Variants in TFF1 observed in about 807,000 individuals in gnomAD.
TFF1 encodes the protein trefoil factor 1.
Under a neutral mutation model 7.7 loss-of-function variants are expected in TFF1, and 8 were observed. That is an observed-to-expected ratio of 1.04 (90% CI 0.61 to 1.87). The LOEUF is 1.87. Among genes scored for constraint, TFF1 ranks in the 40% most tolerant of loss-of-function variants. The pLI is 0.00. For missense variants in TFF1, 120 were observed against 113.4 expected (o/e 1.06, Z -0.26); for synonymous variants, 47 against 44.8 (o/e 1.05, Z -0.19).
At chr21:42,364,509 A>G (rs1307607017) in intron 1 of TFF1, among the ~76,000 whole-genome samples, 2 of 152,186 alleles carry the variant, frequency 1.3e-5, no homozygotes, top group Non-Finnish European at 2.9e-5. Flanking sequence ...GGGCTGCCGC[A>G]GGATCTTATG....
chr21:42,365,982 G>A (rs1035678758), intron 1 of TFF1, among the ~76,000 whole-genome samples: 1 of 152,184 alleles, frequency 6.6e-6, no homozygotes, highest in Non-Finnish European at 1.5e-5. Context: ...CTGTGGGAGA[G>A]GGTCTCCCAG....
At chr21:42,365,731 T>C (rs1395822935) in intron 1 of TFF1, among the ~76,000 whole-genome samples, 2 of 152,176 alleles carry the variant, frequency 1.3e-5, no homozygotes, top group Non-Finnish European at 2.9e-5. Flanking sequence ...CGTTGATCCA[T>C]TCTGCAGGTA....
chr21:42,366,330 T>A, intron 1 of TFF1, 81 bp downstream of exon 1: 1 of 1,092,586 alleles, frequency 9.2e-7, no homozygotes, highest in South Asian at 1.5e-5. Context: ...TGCTCAAAAA[T>A]ATGTATGTAA....
Position 42,366,471 on chromosome 21 carries a change from T to A in TFF1, c.25A>T (p.Ile9Phe), listed in dbSNP as rs1466163139. The A allele has an allele frequency of 1.2e-6, 2 of 1,612,564 alleles. No homozygotes were observed. Among genetic ancestry groups the A allele is most frequent in the South Asian group, 2.2e-5 (2 of 90,982 alleles). The change falls in exon 1 of 3, where the codon ATC (isoleucine) becomes TTC (phenylalanine). Residue 9 changes from isoleucine (I) to phenylalanine (F), a missense_variant. Transcript: ENST00000291527. ...ATGGACACCAGGACCAGGGCGCAGA[T>A]CACCTTGTTCTCCATGGTGGCCATT... MATMENKVICALVLVSMLA... is the reference protein window; with the variant it reads MATMENKVFCALVLVSMLA...
At position 42,366,435 on chromosome 21, in the gene TFF1, C is replaced by T. The variant is rs1269954074; in HGVS notation, c.61G>A (p.Gly21Ser). 4 of 1,611,906 alleles carry T rather than the reference C, an allele frequency of 2.5e-6. No homozygotes were observed. Among genetic ancestry groups the T allele is most frequent in the African/African-American group, 1.3e-5 (1 of 74,980 alleles). ...CCTGTCTGGGCCTCGGCCAGGGTGCCGAGGGCCAGCATGGACACCAGGACC... is the reference window on the plus strand; with the variant it reads ...CCTGTCTGGGCCTCGGCCAGGGTGCTGAGGGCCAGCATGGACACCAGGACC... ...ALVLVSMLAL[G>S]TLAEAQTETC... is the part of the protein sequence containing the mutation. Residue 21 changes from glycine (G) to serine (S), a missense_variant, in exon 1 of 3, where the codon GGC (glycine) becomes AGC (serine). Coordinates refer to ENST00000291527, the MANE Select transcript of TFF1 (RefSeq NM_003225.3).
At position 42,362,500 on chromosome 21, in the gene TFF1, A is replaced by C. The variant is rs774965123; in HGVS notation, c.239-5T>G. ...GTGTCTAAAATTCACACTCCTCTACAGGGGTGAGGGGGAGGGAGAAAGAGA... is the reference window on the plus strand; with the variant it reads ...GTGTCTAAAATTCACACTCCTCTACCGGGGTGAGGGGGAGGGAGAAAGAGA... On this transcript the variant is annotated splice_region_variant and splice_polypyrimidine_tract_variant and intron_variant, in intron 2 of 2. Coordinates refer to ENST00000291527, the MANE Select transcript of TFF1 (RefSeq NM_003225.3). 1 of 1,581,488 alleles carries C rather than the reference A, an allele frequency of 6.3e-7. No homozygotes were observed. The highest frequency in any genetic ancestry group is 1.4e-5 in the African/African-American group (1 of 73,936).
chr21:42,362,772 C>T lies in TFF1; in HGVS notation c.239-277G>A, dbSNP rs191662755. 4.6e-5 allele frequency among the ~76,000 whole-genome samples: 7 copies of T among 151,878 alleles called. No homozygotes were observed. In the East Asian group the frequency reaches 5.8e-4, roughly 13 times the overall value. On this transcript the variant is annotated intron_variant, in intron 2 of 2. Transcript: ENST00000291527. ...AAAATACAAAAAAAATTTAGCTGGG[C>T]GTAGTGGCACACACCTGTAATCTCA...
chr21:42,364,577 G>A (rs1285500329), intron 1 of TFF1, among the ~76,000 whole-genome samples: 1 of 152,202 alleles, frequency 6.6e-6, no homozygotes, highest in Non-Finnish European at 1.5e-5. Flanking sequence ...AAAGGTCTCA[G>A]AAAGCAACCT....
chr21:42,363,493 C>G (rs2146405299), intron 1 of TFF1, 86 bp from the exon 2 acceptor site: 1 of 1,479,494 alleles, frequency 6.8e-7, no homozygotes, highest in South Asian at 1.4e-5. Context: ...GCTTCCTTCT[C>G]CAATGACATC....
rs34253894 is a variant in TFF1, at chr21:42,362,900, C to CA, written c.238+354dup. ...GGGGCAACGGAGCGAGACTCCATTT[C>CA]AAAAAAAAAAAAAAAAAAAGAATAC... On this transcript the variant is annotated intron_variant, in intron 2 of 2. Transcript: ENST00000291527. Among the ~76,000 whole-genome samples the CA allele has an allele frequency of 2.0e-3, 241 of 117,572 alleles. 2 individuals are homozygous for CA. Among genetic ancestry groups the CA allele is most frequent in the East Asian group, 0.011 (35 of 3,232 alleles). 77.1% of individuals were successfully genotyped at this position (117,572 alleles called of 152,430 possible).
rs915409048 is a variant in TFF1 at position 42,362,465 on chromosome 21, C to A, written c.*14G>T. On this transcript the variant is annotated 3_prime_UTR_variant, in exon 3 of 3. Transcript: ENST00000291527. ...GCACCGCGTCAGGATGCAGGCAGAT[C>A]CCTGCAGAAGTGTCTAAAATTCACA... The A allele has an allele frequency of 3.2e-6, 5 of 1,581,538 alleles. No individual in the cohort carries two copies. In the African/African-American group the frequency reaches 5.4e-5, roughly 17 times the overall value.
At chr21:42,365,145 T>C (rs1021251251) in intron 1 of TFF1, among the ~76,000 whole-genome samples, 1 of 152,088 alleles carries the variant, frequency 6.6e-6, no homozygotes, top group Admixed American at 6.5e-5. Flanking sequence ...TAGATTTCAG[T>C]TGTAACAGGA....
chr21:42,362,624 T>A, intron 2 of TFF1, 129 bp from the exon 3 acceptor site: 1 of 1,164,962 alleles, frequency 8.6e-7, no homozygotes. Context: ...ACATGAACTG[T>A]CAGCCGGGCA....
rs2052255655 is a variant in TFF1 at position 42,363,398 on chromosome 21, G to A, written c.95C>T (p.Thr32Ile). Reference protein sequence around the residue: ...TLAEAQTETCTVAPRERQNCG... With the variant: ...TLAEAQTETCIVAPRERQNCG... ...ATTCTGTCTTTCACGGGGGGCCACTGTACACGTCTCTGAAAGTGCACAGGT... is the reference window on the plus strand; with the variant it reads ...ATTCTGTCTTTCACGGGGGGCCACTATACACGTCTCTGAAAGTGCACAGGT... The change falls in exon 2 of 3, where the codon ACA (threonine) becomes ATA (isoleucine). Residue 32 changes from threonine to isoleucine, a missense_variant. Coordinates refer to ENST00000291527, the MANE Select transcript of TFF1 (RefSeq NM_003225.3). 2 of 1,613,828 alleles carry A rather than the reference G, an allele frequency of 1.2e-6. No homozygotes were observed. Among genetic ancestry groups the A allele is most frequent in the Non-Finnish European group, 1.7e-6 (2 of 1,179,906 alleles).
chr21:42,362,436 G>A lies in TFF1; in HGVS notation c.*43C>T. The A allele has an allele frequency of 6.4e-7, 1 of 1,564,882 alleles. No homozygotes were observed. Among genetic ancestry groups the A allele is most frequent in the Non-Finnish European group, 8.7e-7 (1 of 1,155,926 alleles). ...CTCTGGGACTAATCACCGTGCTGGGGACGGCACCGCGTCAGGATGCAGGCA... is the reference window on the plus strand; with the variant it reads ...CTCTGGGACTAATCACCGTGCTGGGAACGGCACCGCGTCAGGATGCAGGCA... On this transcript the variant is annotated 3_prime_UTR_variant, in exon 3 of 3. Coordinates refer to ENST00000291527, the MANE Select transcript of TFF1 (RefSeq NM_003225.3).
chr21:42,365,670 G>A (rs187852476), intron 1 of TFF1, among the ~76,000 whole-genome samples: 57 of 152,298 alleles, frequency 3.7e-4, no homozygotes, highest in Non-Finnish European at 8.8e-5. Flanking sequence ...CTGGCAAAGT[G>A]CAAGTCGCAG....
At chr21:42,363,475 C>T in intron 1 of TFF1, 68 bp from the exon 2 acceptor site, 1 of 1,529,692 alleles carries the variant, frequency 6.5e-7, no homozygotes, top group Non-Finnish European at 8.8e-7. Flanking sequence ...CATGCACACA[C>T]CCATCCAGCT....
chr21:42,363,200 T>C, intron 2 of TFF1, 55 bp downstream of exon 2: 1 of 1,611,222 alleles, frequency 6.2e-7, no homozygotes, highest in East Asian at 2.2e-5. Flanking sequence ...TAGTCTTAAA[T>C]GACTTTTCTA....
intron 1 of TFF1, 127 bp from the exon 2 acceptor site, chr21:42,363,534 C>T: frequency 8.1e-7 from 1 of 1,228,654 alleles, no homozygotes; most frequent in Non-Finnish European, 1.1e-6. Context: ...GATATAAAAC[C>T]CTCAGGACAT....
Sources: allele counts gnomAD v4.1 joint callset (sites outside exome capture counted in the v4.1 genomes callset), GRCh38; gene constraint gnomAD v4.1.1; transcripts MANE v1.5; gene names NCBI Gene and HGNC (gene_info 2026-07-23, HGNC 2026-07-21).